Variants in IL1R1 observed in about 807,000 individuals in gnomAD.
IL1R1 encodes interleukin 1 receptor type 1, also known as interleukin-1 receptor type 1.
IL1R1 carries 22 observed loss-of-function variants against 50.2 expected under a neutral mutation model. That is an observed-to-expected ratio of 0.44 (90% confidence interval 0.31 to 0.63). The LOEUF (loss-of-function observed/expected upper bound fraction) is 0.63. Among genes scored for constraint, IL1R1 ranks in the 20% least tolerant of loss-of-function variants. IL1R1 has a pLI of 0.07. For missense variants in IL1R1, 509 were observed against 676.2 expected (o/e 0.75, Z 2.74); for synonymous variants, 251 against 236.7 (o/e 1.06, Z -0.55).
intron 3 of IL1R1, among the ~76,000 whole-genome samples, chr2:102,159,864 G>A (rs758526606): frequency 2.6e-5 from 4 of 152,216 alleles, no homozygotes; most frequent in Non-Finnish European, 4.4e-5. Flanking sequence ...GCTGGGAAGA[G>A]TAGGATGGAA....
At chr2:102,073,579 T>C (rs1240752160) in intron 1 of IL1R1, among the ~76,000 whole-genome samples, 1 of 152,222 alleles carries the variant, frequency 6.6e-6, no homozygotes, top group East Asian at 1.9e-4. Flanking sequence ...CCTCTTCCAC[T>C]GCCTTAGTCA....
At chr2:102,124,363 T>G (rs1681573424) in intron 1 of IL1R1, among the ~76,000 whole-genome samples, 1 of 151,698 alleles carries the variant, frequency 6.6e-6, no homozygotes, top group African/African-American at 2.4e-5. Flanking sequence ...GAGGATGCAG[T>G]GAGCTGAGAT....
intron 1 of IL1R1, among the ~76,000 whole-genome samples, chr2:102,108,561 T>A (rs903837299): frequency 1.3e-5 from 2 of 151,706 alleles, no homozygotes; most frequent in African/African-American, 4.9e-5. Context: ...CTCAAATGAG[T>A]CAATGTAAGG....
intron 1 of IL1R1, among the ~76,000 whole-genome samples, chr2:102,153,526 C>A (rs754086115): frequency 3.3e-5 from 5 of 152,090 alleles, no homozygotes; most frequent in South Asian, 2.1e-4. Flanking sequence ...GCTCTGTGTC[C>A]CCACCCAAAT....
At chr2:102,111,343 C>T (rs57570472) in intron 1 of IL1R1, among the ~76,000 whole-genome samples, 42,447 of 151,986 alleles carry the variant, frequency 0.28, 6,831 homozygotes, top group African/African-American at 0.45. Context: ...CGCTGCTGCA[C>T]ATAGGGCTGG....
upstream of IL1R1, among the ~76,000 whole-genome samples, chr2:102,138,251 C>T (rs181263316): frequency 2.6e-5 from 4 of 152,214 alleles, no homozygotes; most frequent in African/African-American, 4.8e-5. Flanking sequence ...ACTTGGATGT[C>T]GCCAAGTCTA....
chr2:102,085,206 C>A (rs1350121161), intron 1 of IL1R1, among the ~76,000 whole-genome samples: 1 of 152,126 alleles, frequency 6.6e-6, no homozygotes, highest in African/African-American at 2.4e-5. Flanking sequence ...CTAATGGTGT[C>A]TTTGGATGAA....
rs569090727 is a variant in IL1R1 at position 102,152,332 on chromosome 2, C to T, written c.-83-1609C>T. Among the ~76,000 whole-genome samples, 189 of 150,790 alleles carry T rather than the reference C, an allele frequency of 1.3e-3. 1 individual carries two copies. The highest frequency in any genetic ancestry group is 4.2e-3 in the African/African-American group (172 of 41,036). Reference sequence around the variant, plus strand: ...CATCCTGGCTAACACGGTGAAACCCCGTCTCTACTAAAAATACAAAAAATT... The same window carrying T: ...CATCCTGGCTAACACGGTGAAACCCTGTCTCTACTAAAAATACAAAAAATT... On this transcript the variant is annotated intron_variant, in intron 1 of 11. Coordinates refer to ENST00000410023, the MANE Select transcript of IL1R1 (RefSeq NM_000877.4).
At chr2:102,110,588 A>G (rs1430374688) in intron 1 of IL1R1, among the ~76,000 whole-genome samples, 1 of 151,122 alleles carries the variant, frequency 6.6e-6, no homozygotes, top group Non-Finnish European at 1.5e-5. Context: ...TAAGTTTTCT[A>G]AATTTTCCTA....
At chr2:102,151,698 G>A (rs551965414) in intron 1 of IL1R1, among the ~76,000 whole-genome samples, 4 of 152,356 alleles carry the variant, frequency 2.6e-5, no homozygotes, top group South Asian at 4.1e-4. Flanking sequence ...TGTGTCACTC[G>A]TCATGCCTGG....
intron 9 of IL1R1, among the ~76,000 whole-genome samples, 163 bp from the exon 10 acceptor site, chr2:102,174,424 A>G (rs984004262): frequency 6.6e-6 from 1 of 152,232 alleles, no homozygotes; most frequent in Non-Finnish European, 1.5e-5. Flanking sequence ...GTACATTAGT[A>G]TCCATTACAA....
chr2:102,092,340 G>A (rs147538655), intron 1 of IL1R1, among the ~76,000 whole-genome samples: 80 of 151,840 alleles, frequency 5.3e-4, no homozygotes, highest in African/African-American at 1.8e-3. Flanking sequence ...TTGTTTTTCC[G>A]CTCCTAGTCG....
chr2:102,175,432 C>T, intron 10 of IL1R1, 46 bp from the exon 11 acceptor site: 1 of 1,449,166 alleles, frequency 6.9e-7, no homozygotes, highest in Non-Finnish European at 9.7e-7. Context: ...TATCAAATCT[C>T]TTATTTTTGC....
In IL1R1 at chr2:102,154,456, T is replaced by C. The variant is rs556627680; in HGVS notation, c.-7+439T>C. ...CACTGTGGGTGACACCCTCTGAGCA[T>C]CTTTTCCGAGCTGTCTGTGGGTACC... On this transcript the variant is annotated intron_variant, in intron 2 of 11. Transcript: ENST00000410023. Among the ~76,000 whole-genome samples, 34 of 152,326 alleles carry C rather than the reference T, an allele frequency of 2.2e-4. No individual in the cohort carries two copies. The South Asian group carries it at 7.0e-3, about 32-fold the overall frequency.
chr2:102,120,724 C>G (rs1217088483), intron 1 of IL1R1, among the ~76,000 whole-genome samples: 1 of 152,220 alleles, frequency 6.6e-6, no homozygotes, highest in Non-Finnish European at 1.5e-5. Context: ...ACACACTACA[C>G]AATCCCATTC....
chr2:102,100,220 A>T (rs531761859), upstream of IL1R1, among the ~76,000 whole-genome samples: 5 of 152,266 alleles, frequency 3.3e-5, no homozygotes, highest in African/African-American at 1.2e-4. Context: ...TCCTTTGGAA[A>T]ATGTATTCCT....
chr2:102,096,378 A>G (rs557978751), intron 1 of IL1R1, among the ~76,000 whole-genome samples: 3 of 152,322 alleles, frequency 2.0e-5, no homozygotes, highest in Admixed American at 2.0e-4. Context: ...CTTGTTGCCA[A>G]CATCTGGTTT....
chr2:102,096,381 T>G (rs1679903667), intron 1 of IL1R1, among the ~76,000 whole-genome samples: 1 of 152,340 alleles, frequency 6.6e-6, no homozygotes, highest in South Asian at 2.1e-4. Flanking sequence ...GTTGCCAACA[T>G]CTGGTTTGTT....
upstream of IL1R1, among the ~76,000 whole-genome samples, chr2:102,099,779 A>T (rs1680062418): frequency 6.6e-6 from 1 of 152,208 alleles, no homozygotes; most frequent in Non-Finnish European, 1.5e-5. Flanking sequence ...GTTTTCCACC[A>T]GTGCTTTGCT....
Sources: allele counts gnomAD v4.1 joint callset (sites outside exome capture counted in the v4.1 genomes callset), GRCh38; gene constraint gnomAD v4.1.1; transcripts MANE v1.5; gene names NCBI Gene and HGNC (gene_info 2026-07-23, HGNC 2026-07-21).